The following NRG4 variants were observed in gnomAD, a reference collection of about 807,000 sequenced individuals.
NRG4 encodes pro-neuregulin-4, membrane-bound isoform.
NRG4 carries 10 observed loss-of-function variants against 15.0 expected under a neutral mutation model. The ratio of observed to expected loss-of-function variants is 0.67; its 90% confidence interval spans 0.41 to 1.13. The LOEUF is 1.13. NRG4 is among the 50% of genes most tolerant of loss of function. The probability of loss-of-function intolerance (pLI) is 0.00; values close to 1 mark genes in which losing one functional copy is unlikely to be tolerated. For missense variants in NRG4, 139 were observed against 140.2 expected, an observed-to-expected ratio of 0.99 and a Z score of 0.04; for synonymous variants, 41 against 50.1, an observed-to-expected ratio of 0.82 and a Z score of 0.77.
At chr15:75,994,997 T>C (rs1257266564) in intron 3 of NRG4, among the ~76,000 whole-genome samples, 1 of 152,066 alleles carries the variant, frequency 6.6e-6, no homozygotes, top group Non-Finnish European at 1.5e-5. Context: ...AAGTCCAGTC[T>C]GGACAACATA....
chr15:75,959,543 T>C (rs891418951), intron 4 of NRG4, among the ~76,000 whole-genome samples: 30 of 152,144 alleles, frequency 2.0e-4, no homozygotes, highest in African/African-American at 3.1e-4. Context: ...CTTTCCAGGT[T>C]GGAGTGCAGT....
intron 3 of NRG4, among the ~76,000 whole-genome samples, chr15:75,968,515 A>C (rs2032930778): frequency 6.7e-6 from 1 of 149,886 alleles, no homozygotes. Flanking sequence ...TGAACCCAGG[A>C]GGCAGAGGTT....
intron 3 of NRG4, among the ~76,000 whole-genome samples, chr15:76,007,427 C>CTTTTT (rs61259541): frequency 3.0e-5 from 4 of 133,532 alleles, no homozygotes; most frequent in Non-Finnish European, 4.8e-5. Flanking sequence ...ATTAAACGCA[C>CTTTTT]TTTTTTTTTT....
At chr15:76,039,869 G>A (rs554504048) in intron 4 of NRG4, among the ~76,000 whole-genome samples, 16 of 152,064 alleles carry the variant, frequency 1.1e-4, no homozygotes, top group Admixed American at 3.3e-4. Context: ...CCAACATGGC[G>A]AAACCCTGTC....
intron 5 of NRG4, among the ~76,000 whole-genome samples, chr15:76,029,658 C>T (rs1196982681): frequency 6.6e-6 from 1 of 152,052 alleles, no homozygotes. Context: ...AAAAAGGAAT[C>T]AAGACAATTC....
At chr15:76,021,121 T>A (rs2035138591) in intron 5 of NRG4, among the ~76,000 whole-genome samples, 1 of 152,232 alleles carries the variant, frequency 6.6e-6, no homozygotes, top group African/African-American at 2.4e-5. Context: ...CCAACACTCA[T>A]CCATCATTCT....
At chr15:76,004,758 G>T (rs1195998290) in intron 3 of NRG4, among the ~76,000 whole-genome samples, 1 of 151,950 alleles carries the variant, frequency 6.6e-6, no homozygotes, top group South Asian at 2.1e-4. Flanking sequence ...AATGTAAATA[G>T]ATTAAATTAT....
upstream of NRG4, among the ~76,000 whole-genome samples, chr15:76,014,852 T>A (rs1463810586): frequency 6.6e-6 from 1 of 152,230 alleles, no homozygotes; most frequent in East Asian, 1.9e-4. Context: ...CACATAAAGT[T>A]TAAAGTAGAT....
chr15:75,970,120 G>A (rs1371589320), intron 3 of NRG4, among the ~76,000 whole-genome samples: 3 of 152,110 alleles, frequency 2.0e-5, no homozygotes, highest in South Asian at 2.1e-4. Context: ...TTAACCATTT[G>A]ATCTTAAGAA....
In NRG4 at chr15:76,045,009, C is replaced by T. The variant is rs570023453; in HGVS notation, c.-105+7058G>A. On this transcript the variant is annotated intron_variant, in intron 4 of 8. Transcript: ENST00000563910. ...GGAAATAATCAAAAAAGAAACAACC[C>T]ACAGAATGGAGAAAATATTTGCAAA... Among the ~76,000 whole-genome samples the T allele has an allele frequency of 7.3e-5, 11 of 150,528 alleles. 2 individuals carry two copies. The highest frequency in any genetic ancestry group is 2.7e-4 in the African/African-American group (11 of 40,318).
At chr15:76,039,175 G>A (rs1035034373) in intron 4 of NRG4, among the ~76,000 whole-genome samples, 1 of 152,022 alleles carries the variant, frequency 6.6e-6, no homozygotes, top group Non-Finnish European at 1.5e-5. Context: ...TGAGAATACT[G>A]CAATGAATAC....
chr15:76,024,518 C>T (rs963808936), intron 5 of NRG4, among the ~76,000 whole-genome samples: 4 of 152,216 alleles, frequency 2.6e-5, no homozygotes, highest in Non-Finnish European at 5.9e-5. Context: ...TGCACCCATG[C>T]CTTAGGTCTA....
chr15:76,015,882 C>T (rs540884974), upstream of NRG4, among the ~76,000 whole-genome samples: 150 of 152,216 alleles, frequency 9.9e-4, no homozygotes, highest in Non-Finnish European at 2.0e-3. Context: ...GGGAGGAGTC[C>T]CTCTTTTTCT....
intron 5 of NRG4, among the ~76,000 whole-genome samples, chr15:75,952,679 TC>T (rs1195685178): frequency 1.3e-5 from 2 of 151,826 alleles, no homozygotes; most frequent in African/African-American, 4.8e-5. Context: ...CACTGCGGCC[TC>T]CCAATAGCTG....
At chr15:75,980,837 A>AT (rs1343451226) in intron 3 of NRG4, among the ~76,000 whole-genome samples, 2 of 152,202 alleles carry the variant, frequency 1.3e-5, no homozygotes, top group Non-Finnish European at 2.9e-5. Context: ...CTGTAAGAAA[A>AT]AAAAATAAAA....
chr15:75,939,080 T>G (rs1162655600), downstream of NRG4: 1 of 151,912 alleles, frequency 6.6e-6, no homozygotes, highest in East Asian at 1.9e-4. Context: ...AGCTAGCAGA[T>G]GGAAGGAAAT....
chr15:75,962,103 A>G, intron 3 of NRG4, 129 bp from the exon 4 acceptor site: 2 of 600,118 alleles, frequency 3.3e-6, no homozygotes, highest in Non-Finnish European at 5.7e-6. Context: ...TGGAGTAGAC[A>G]GGTTTTCCTA....
intron 5 of NRG4, among the ~76,000 whole-genome samples, chr15:76,018,103 C>G (rs2035041692): frequency 6.6e-6 from 1 of 152,040 alleles, no homozygotes; most frequent in Non-Finnish European, 1.5e-5. Flanking sequence ...ATCCTTTCTT[C>G]CACTTGATCG....
intron 5 of NRG4, among the ~76,000 whole-genome samples, chr15:76,031,227 G>A (rs1435339489): frequency 6.6e-6 from 1 of 152,140 alleles, no homozygotes; most frequent in Non-Finnish European, 1.5e-5. Context: ...AGCTTATAAA[G>A]AGTATCTACT....
Sources: allele counts gnomAD v4.1 joint callset (sites outside exome capture counted in the v4.1 genomes callset), GRCh38; gene constraint gnomAD v4.1.1; transcripts MANE v1.5; gene names NCBI Gene and HGNC (gene_info 2026-07-23, HGNC 2026-07-21).